The following NAV3 variants were observed in gnomAD, a reference collection of about 807,000 sequenced individuals.
NAV3 encodes neuron navigator 3.
Under a neutral mutation model 244.7 loss-of-function variants are expected in NAV3, and 87 were observed. That is an observed-to-expected ratio of 0.36 (90% CI 0.30 to 0.42). NAV3 has a LOEUF of 0.42. Ranked by LOEUF, NAV3 falls within the 20% of genes least tolerant of loss-of-function variation. The pLI is 1.00. For missense variants in NAV3, 2,663 were observed against 2,893.3 expected (o/e 0.92, Z 1.83); for synonymous variants, 1,126 against 1,042.2 (o/e 1.08, Z -1.55).
At chr12:77,752,684 TC>T (rs1047539750) in intron 2 of NAV3, among the ~76,000 whole-genome samples, 1 of 152,142 alleles carries the variant, frequency 6.6e-6, no homozygotes, top group Non-Finnish European at 1.5e-5. Flanking sequence ...CTTTTTTTCC[TC>T]AACTGTAAAA....
chr12:77,685,686 G>T (rs542591228), intron 2 of NAV3, among the ~76,000 whole-genome samples: 1 of 152,192 alleles, frequency 6.6e-6, no homozygotes, highest in South Asian at 2.1e-4. Flanking sequence ...ATGGCTGTTT[G>T]TCAGGTCATT....
At chr12:78,190,272 A>G (rs1958915233) in intron 34 of NAV3, 53 bp downstream of exon 34, 6 of 1,442,604 alleles carry the variant, frequency 4.2e-6, no homozygotes, top group Non-Finnish European at 5.7e-6. Context: ...AAGTGTTTTA[A>G]GCAATCAAAT....
intron 2 of NAV3, among the ~76,000 whole-genome samples, chr12:77,779,339 A>G (rs2135908915): frequency 6.6e-6 from 1 of 152,338 alleles, no homozygotes; most frequent in Non-Finnish European, 1.5e-5. Flanking sequence ...AAATGGACTT[A>G]TTCCAAAACC....
chr12:77,985,853 T>C (rs1325590097), intron 5 of NAV3, among the ~76,000 whole-genome samples: 1 of 152,196 alleles, frequency 6.6e-6, no homozygotes, highest in Non-Finnish European at 1.5e-5. Context: ...GATTTCCTAT[T>C]TGATCTGTTT....
intron 38 of NAV3, among the ~76,000 whole-genome samples, chr12:78,202,450 T>C (rs1307811450): frequency 6.6e-6 from 1 of 152,066 alleles, no homozygotes; most frequent in East Asian, 1.9e-4. Flanking sequence ...CATCCTTAGG[T>C]CTTATTTCAA....
chr12:78,027,764 G>T lies in NAV3; in HGVS notation c.2023+5902G>T, dbSNP rs139981133. ...TGCAGAATGGACATGCCAATGGCAG[G>T]TTCCCCACAGTGCCCCACATTGGGT... On this transcript the variant is annotated intron_variant, in intron 9 of 39. Coordinates refer to ENST00000397909, the MANE Select transcript of NAV3 (RefSeq NM_001024383.2). Among the ~76,000 whole-genome samples the T allele has an allele frequency of 2.6e-5, 4 of 152,230 alleles. No homozygotes were observed. In the East Asian group the frequency reaches 7.7e-4, roughly 29 times the overall value.
At chr12:78,109,283 T>C (rs1401234671) in intron 12 of NAV3, among the ~76,000 whole-genome samples, 4 of 152,028 alleles carry the variant, frequency 2.6e-5, no homozygotes, top group East Asian at 1.9e-4. Context: ...ATATCAGTAA[T>C]GATTAGCAAA....
chr12:77,810,929 C>A (rs759619937), intron 2 of NAV3, among the ~76,000 whole-genome samples: 1 of 151,994 alleles, frequency 6.6e-6, no homozygotes, highest in Non-Finnish European at 1.5e-5. Flanking sequence ...TGTAGGGTGA[C>A]GAAAGCAAAA....
chr12:77,956,609 A>G (rs961280864), intron 3 of NAV3, among the ~76,000 whole-genome samples: 10 of 152,182 alleles, frequency 6.6e-5, no homozygotes, highest in African/African-American at 1.9e-4. Context: ...TGCAGAAGGT[A>G]AGGACTGGAG....
chr12:78,050,746 CT>C lies in NAV3; in HGVS notation c.2133-17del. ...TAAGTGAACCAGAGTATAGTTATTT[CT>C]CCATTTTATTTGACAGCACCCTGGA... is the stretch of plus-strand genomic sequence containing the variant. On this transcript the variant is annotated splice_polypyrimidine_tract_variant and intron_variant, in intron 10 of 39. Transcript: ENST00000397909. 1.3e-6 allele frequency: 2 copies of C among 1,567,776 alleles called. No individual in the cohort carries two copies. The highest frequency in any genetic ancestry group is 1.7e-6 in the Non-Finnish European group (2 of 1,152,482).
chr12:77,854,977 A>AT (rs1265036458), intron 1 of NAV3, among the ~76,000 whole-genome samples: 1 of 152,068 alleles, frequency 6.6e-6, no homozygotes, highest in Non-Finnish European at 1.5e-5. Context: ...AATACAAAAA[A>AT]TTAGCTGGGC....
At chr12:78,206,922 G>C (rs565863789) in intron 39 of NAV3, among the ~76,000 whole-genome samples, 1 of 131,954 alleles carries the variant, frequency 7.6e-6, no homozygotes. Context: ...GCAATGGCAC[G>C]ATCTTGGCTC....
chr12:77,850,677 G>A (rs953252540), intron 1 of NAV3, among the ~76,000 whole-genome samples: 3 of 152,046 alleles, frequency 2.0e-5, no homozygotes, highest in Non-Finnish European at 4.4e-5. Context: ...TTTCTATGAA[G>A]TTTCTCTCTT....
intron 17 of NAV3, among the ~76,000 whole-genome samples, chr12:78,128,038 AAG>A (rs1243964958): frequency 2.0e-5 from 3 of 152,164 alleles, no homozygotes. Context: ...CAAAAAGAAA[AAG>A]AATATACTTA....
chr12:77,809,111 G>T (rs2135994181), intron 2 of NAV3, among the ~76,000 whole-genome samples: 1 of 152,342 alleles, frequency 6.6e-6, no homozygotes, highest in East Asian at 1.9e-4. Context: ...GCTGGGCTCT[G>T]TGCGGGATGG....
At chr12:77,977,712 G>GCGCGCACACACACA (rs1349366739) in intron 5 of NAV3, among the ~76,000 whole-genome samples, 1 of 143,000 alleles carries the variant, frequency 7.0e-6, no homozygotes, top group Non-Finnish European at 1.6e-5. Context: ...ACACACACGC[G>GCGCGCACACACACA]CACACACACA....
chr12:77,811,719 T>G (rs900308409), intron 2 of NAV3, among the ~76,000 whole-genome samples: 3 of 152,162 alleles, frequency 2.0e-5, no homozygotes, highest in African/African-American at 7.2e-5. Flanking sequence ...AGGAAGGTCT[T>G]AAGACAATGG....
At chr12:77,591,934 G>A (rs925951859) in intron 2 of NAV3, among the ~76,000 whole-genome samples, 1 of 152,128 alleles carries the variant, frequency 6.6e-6, no homozygotes, top group African/African-American at 2.4e-5. Flanking sequence ...TTTGTAAATT[G>A]TAAACTATAT....
chr12:78,008,006 A>G (rs1874539350), intron 8 of NAV3, among the ~76,000 whole-genome samples: 1 of 152,290 alleles, frequency 6.6e-6, no homozygotes, highest in Admixed American at 6.5e-5. Flanking sequence ...ACCATGCACT[A>G]CTTTGTAGAG....
Sources: gnomAD v4.1 joint callset for allele counts (sites outside exome capture counted in the v4.1 genomes callset) on GRCh38, gnomAD v4.1.1 for gene constraint, MANE v1.5 for transcripts, NCBI Gene and HGNC (gene_info 2026-07-23, HGNC 2026-07-21) for gene names.